PRKN: variants seen among roughly 807,000 people sequenced by gnomAD.
PRKN encodes E3 ubiquitin-protein ligase parkin.
PRKN carries 56 observed loss-of-function variants against 59.5 expected under a neutral mutation model. The observed-to-expected ratio is 0.94, with a 90% confidence interval of 0.76 to 1.18. The LOEUF is 1.18. PRKN is among the 50% of genes most tolerant of loss of function. The pLI is 0.00. For missense variants in PRKN, 657 were observed against 596.4 expected (o/e 1.10, Z -1.06); for synonymous variants, 250 against 222.1 (o/e 1.13, Z -1.12).
intron 6 of PRKN, among the ~76,000 whole-genome samples, chr6:161,898,379 C>T (rs539245193): frequency 3.3e-5 from 5 of 152,256 alleles, no homozygotes; most frequent in Admixed American, 2.0e-4. Flanking sequence ...ATAATATTTA[C>T]GCATTACATC....
chr6:161,791,128 C>T (rs774142856), intron 6 of PRKN, among the ~76,000 whole-genome samples: 7 of 151,990 alleles, frequency 4.6e-5, no homozygotes, highest in South Asian at 2.1e-4. Context: ...GGTTAAAGAG[C>T]GGTAAATTAA....
intron 6 of PRKN, among the ~76,000 whole-genome samples, chr6:161,846,184 T>A (rs943126960): frequency 6.6e-6 from 1 of 152,168 alleles, no homozygotes; most frequent in Non-Finnish European, 1.5e-5. Context: ...TGAAATGATA[T>A]CTAATGCGGG....
At chr6:161,773,866 C>T (rs970254903) in intron 7 of PRKN, among the ~76,000 whole-genome samples, 7 of 152,034 alleles carry the variant, frequency 4.6e-5, no homozygotes, top group African/African-American at 1.4e-4. Context: ...TTTGGAGAGT[C>T]GAAATTCAAG....
chr6:161,766,225 T>C (rs757174406), intron 7 of PRKN, among the ~76,000 whole-genome samples: 42 of 152,140 alleles, frequency 2.8e-4, no homozygotes, highest in Non-Finnish European at 4.9e-4. Flanking sequence ...GAAGCCCCTA[T>C]TTTTGCCTGT....
chr6:162,329,333 C>T (rs899820427), intron 2 of PRKN, among the ~76,000 whole-genome samples: 6 of 152,064 alleles, frequency 3.9e-5, no homozygotes, highest in Admixed American at 2.6e-4. Flanking sequence ...CTCCGATAGC[C>T]AGTGGGCATA....
intron 9 of PRKN, among the ~76,000 whole-genome samples, chr6:161,515,802 T>C (rs146909069): frequency 0.017 from 2,625 of 152,242 alleles, 46 homozygotes; most frequent in South Asian, 0.059. Context: ...TTTTAGTCCA[T>C]GGCAATCACC....
intron 1 of PRKN, among the ~76,000 whole-genome samples, chr6:162,694,301 A>G (rs1216739896): frequency 6.6e-6 from 1 of 151,900 alleles, no homozygotes; most frequent in Non-Finnish European, 1.5e-5. Flanking sequence ...CAATAGCAGC[A>G]ATCAGTAGCT....
intron 6 of PRKN, among the ~76,000 whole-genome samples, chr6:161,897,941 T>C (rs1777710184): frequency 1.1e-5 from 1 of 90,614 alleles, no homozygotes; most frequent in Non-Finnish European, 2.1e-5. Flanking sequence ...CACTCCAGCC[T>C]GGGTGACAGA....
Position 161,467,138 on chromosome 6 carries a change from G to A in PRKN, c.1084-80261C>T, listed in dbSNP as rs1790518625. 6.6e-6 allele frequency among the ~76,000 whole-genome samples: 1 copy of A among 152,132 alleles called. No homozygotes were observed. Among genetic ancestry groups the A allele is most frequent in the Admixed American group, 6.5e-5 (1 of 15,268 alleles). On this transcript the variant is annotated intron_variant, in intron 9 of 11. Coordinates refer to ENST00000366898, the MANE Select transcript of PRKN (RefSeq NM_004562.3). This position sits in a 1 kb window ranked among gnomAD's most constrained non-coding sequence, Gnocchi z 4.3. ...TACTGCTCATCAGTGTCCTGCTGCT[G>A]GGGGAGCCATTTGTGCTGACGAATA...
In PRKN at chr6:161,724,055, C is replaced by T. The variant is rs140344978; in HGVS notation, c.871+61717G>A. 4.8e-3 allele frequency among the ~76,000 whole-genome samples: 730 copies of T among 152,306 alleles called. 4 individuals are homozygous for T. The highest frequency in any genetic ancestry group is 0.016 in the African/African-American group (653 of 41,560). On this transcript the variant is annotated intron_variant, in intron 7 of 11. Coordinates refer to ENST00000366898, the MANE Select transcript of PRKN (RefSeq NM_004562.3). ...GAAGGTAGATGTTTCAGCAACATTTCTCCATTCAGTGATGCTGGGGGAAGT... is the reference window on the plus strand; with the variant it reads ...GAAGGTAGATGTTTCAGCAACATTTTTCCATTCAGTGATGCTGGGGGAAGT...
rs1431496358 is a variant in PRKN, at chr6:161,442,826, T to C, written c.1084-55949A>G. On this transcript the variant is annotated intron_variant, in intron 9 of 11. Transcript: ENST00000366898. This position sits in a 1 kb window ranked among gnomAD's most constrained non-coding sequence, Gnocchi z 4.6. ...GTTCTCTTCCCTTTCATTTTGGACA[T>C]CGTAACAACTAAACATAACATTTAT... Among the ~76,000 whole-genome samples the C allele has an allele frequency of 2.6e-5, 4 of 152,178 alleles. No individual in the cohort carries two copies. Among genetic ancestry groups the C allele is most frequent in the Non-Finnish European group, 5.9e-5 (4 of 68,038 alleles).
intron 2 of PRKN, among the ~76,000 whole-genome samples, chr6:162,352,666 A>T (rs1464770629): frequency 6.6e-6 from 1 of 152,184 alleles, no homozygotes; most frequent in Non-Finnish European, 1.5e-5. Context: ...TAACAGTCAC[A>T]TTCCTGTAAA....
chr6:161,881,898 T>C (rs545534730), intron 6 of PRKN, among the ~76,000 whole-genome samples: 3 of 152,268 alleles, frequency 2.0e-5, no homozygotes, highest in East Asian at 3.9e-4. Flanking sequence ...CTGATGCTGA[T>C]AGGGAATGCA....
chr6:162,184,707 T>G (rs1439673129), intron 4 of PRKN, among the ~76,000 whole-genome samples: 1 of 152,164 alleles, frequency 6.6e-6, no homozygotes, highest in African/African-American at 2.4e-5. Flanking sequence ...GAGAACGGAC[T>G]AATACATCCA....
At chr6:162,271,991 T>C (rs1780411563) in intron 2 of PRKN, among the ~76,000 whole-genome samples, 1 of 152,178 alleles carries the variant, frequency 6.6e-6, no homozygotes, top group Non-Finnish European at 1.5e-5. Context: ...AAAGGTCAAT[T>C]AGCCCCACAC....
intron 1 of PRKN, among the ~76,000 whole-genome samples, chr6:162,516,672 A>G (rs1777874744): frequency 6.6e-6 from 1 of 151,740 alleles, no homozygotes; most frequent in African/African-American, 2.4e-5. Flanking sequence ...TTGTGGCATG[A>G]GAATCACTTG....
At chr6:162,577,017 A>T (rs13213408) in intron 1 of PRKN, among the ~76,000 whole-genome samples, 15,546 of 152,106 alleles carry the variant, frequency 0.1, 940 homozygotes, top group Middle Eastern at 0.19. Flanking sequence ...AACATAAAAA[A>T]TGATGACAGA....
At chr6:162,172,025 C>T (rs1344981590) in intron 4 of PRKN, among the ~76,000 whole-genome samples, 2 of 152,310 alleles carry the variant, frequency 1.3e-5, no homozygotes, top group Non-Finnish European at 2.9e-5. Flanking sequence ...CTCCAAGAGG[C>T]CTGCCTCATT....
At position 161,451,138 on chromosome 6, in the gene PRKN, A is replaced by G. The variant is rs796859500; in HGVS notation, c.1084-64261T>C. ...GCTAACTTCTGCATGACGTGTTTCC[A>G]TGTTATTTCTCTTAGGTCCCAGCAC... On this transcript the variant is annotated intron_variant, in intron 9 of 11. Transcript: ENST00000366898. This position sits in a 1 kb window ranked among gnomAD's most constrained non-coding sequence, Gnocchi z 5.9. 5.3e-5 allele frequency among the ~76,000 whole-genome samples: 8 copies of G among 152,262 alleles called. No homozygotes were observed. The highest frequency in any genetic ancestry group is 2.6e-4 in the Admixed American group (4 of 15,284).
Sources: gnomAD v4.1 joint callset for allele counts (sites outside exome capture counted in the v4.1 genomes callset) on GRCh38, gnomAD v4.1.1 for gene constraint, Gnocchi (gnomAD v3.1) non-coding constraint, MANE v1.5 for transcripts, NCBI Gene and HGNC (gene_info 2026-07-23, HGNC 2026-07-21) for gene names.